Variants in PMFBP1 observed in about 807,000 individuals in gnomAD.
PMFBP1 encodes polyamine modulated factor 1 binding protein 1, also known as polyamine-modulated factor 1-binding protein 1.
PMFBP1 carries 131 observed loss-of-function variants against 137.8 expected under a neutral mutation model. That is an observed-to-expected ratio of 0.95 (90% CI 0.82 to 1.10). The LOEUF (loss-of-function observed/expected upper bound fraction) is 1.10. Among genes scored for constraint, PMFBP1 ranks in the 50% least tolerant of loss-of-function variants. The probability of loss-of-function intolerance (pLI) is 0.00; values close to 1 mark genes in which losing one functional copy is unlikely to be tolerated. For synonymous variants in PMFBP1, 490 were observed against 450.4 expected, an observed-to-expected ratio of 1.09 and a Z score of -1.11; for missense variants, 1,199 against 1,175.4, an observed-to-expected ratio of 1.02 and a Z score of -0.29.
the PMFBP1 span, among the ~76,000 whole-genome samples, chr16:72,242,666 T>C: frequency 6.6e-6 from 1 of 152,252 alleles, no homozygotes; most frequent in Non-Finnish European, 1.5e-5. Context: ...AACGTTCATT[T>C]TCATTAAAAG....
At chr16:72,120,511 C>A (rs2042362061) in intron 19 of PMFBP1, among the ~76,000 whole-genome samples, 1 of 152,218 alleles carries the variant, frequency 6.6e-6, no homozygotes, top group African/African-American at 2.4e-5. Context: ...CACTCTCACC[C>A]AGCACCAATG....
chr16:72,236,318 A>G, the PMFBP1 span, among the ~76,000 whole-genome samples: 1 of 152,180 alleles, frequency 6.6e-6, no homozygotes, highest in Non-Finnish European at 1.5e-5. Context: ...TGAACTTGTA[A>G]ACTTAAGTGA....
the PMFBP1 span, among the ~76,000 whole-genome samples, chr16:72,222,213 C>A: frequency 6.6e-6 from 1 of 151,980 alleles, no homozygotes; most frequent in Non-Finnish European, 1.5e-5. Context: ...TCTCAAGGGA[C>A]CTTCCTGCCT....
intron 4 of PMFBP1, 36 bp downstream of exon 4, chr16:72,154,175 G>A (rs2042947365): frequency 6.2e-7 from 1 of 1,603,738 alleles, no homozygotes. Flanking sequence ...AGGTACCTAA[G>A]AATGTGGGTT....
chr16:72,128,803 T>C lies in PMFBP1; in HGVS notation c.1951-9A>G. 6.2e-7 allele frequency: 1 copy of C among 1,614,152 alleles called. No individual in the cohort carries two copies. The highest frequency in any genetic ancestry group is 8.5e-7 in the Non-Finnish European group (1 of 1,180,010). ...CTGGAATTCTCTTTCAACTGTTCCC[T>C]CATTAAAGAACAAAGCACAGCAAAG... On this transcript the variant is annotated splice_polypyrimidine_tract_variant and intron_variant, in intron 13 of 20. Transcript: ENST00000237353.
intron 19 of PMFBP1, among the ~76,000 whole-genome samples, chr16:72,122,114 A>T (rs1006778535): frequency 4.6e-5 from 7 of 152,084 alleles, no homozygotes; most frequent in Non-Finnish European, 8.8e-5. Context: ...AGTTCTCATC[A>T]TTTAGCTCCC....
intron 17 of PMFBP1, 56 bp from the exon 18 acceptor site, chr16:72,123,705 C>A: frequency 1.3e-6 from 2 of 1,494,338 alleles, no homozygotes; most frequent in African/African-American, 1.4e-5. Context: ...GCCTGTCAGC[C>A]CTCCTTCCGA....
chr16:72,234,033 A>T, the PMFBP1 span, among the ~76,000 whole-genome samples: 2 of 152,128 alleles, frequency 1.3e-5, no homozygotes, highest in African/African-American at 4.8e-5. Flanking sequence ...TAATTTTGCT[A>T]TGAGGTTTCC....
chr16:72,137,737 C>T (rs900910203), intron 7 of PMFBP1, among the ~76,000 whole-genome samples: 3 of 152,138 alleles, frequency 2.0e-5, no homozygotes, highest in African/African-American at 7.2e-5. Context: ...GGATGCCTTC[C>T]TCACCAAGAG....
chr16:72,167,612 G>T (rs902775651), intron 2 of PMFBP1, among the ~76,000 whole-genome samples: 1 of 152,146 alleles, frequency 6.6e-6, no homozygotes, highest in Non-Finnish European at 1.5e-5. Flanking sequence ...TCCCTTTCCT[G>T]TGGTCACCAC....
chr16:72,178,875 C>T (rs2043267171), upstream of PMFBP1, among the ~76,000 whole-genome samples: 1 of 152,186 alleles, frequency 6.6e-6, no homozygotes, highest in Non-Finnish European at 1.5e-5. Flanking sequence ...ATAATACCTA[C>T]CTTACAGGGT....
the PMFBP1 span, among the ~76,000 whole-genome samples, chr16:72,210,731 C>T: frequency 1.3e-5 from 2 of 152,214 alleles, no homozygotes; most frequent in African/African-American, 2.4e-5. Context: ...AAAACAGGGG[C>T]AATTTCCCTC....
At position 72,119,867 on chromosome 16, in the gene PMFBP1, C is replaced by T; in HGVS notation, c.2991G>A (p.Gly997=). The change falls in exon 20 of 21, where the codon GGG becomes GGA. Residue 997 remains glycine, a synonymous_variant. Coordinates refer to ENST00000237353, the MANE Select transcript of PMFBP1 (RefSeq NM_031293.3). The part of the protein sequence containing the change: ...GQRMDLTKYI[G]MPHCPGSSYC The stretch of plus-strand genomic sequence containing the variant: ...CAGACGTACCCGGGCAGTGGGGCAT[C>T]CCGATGTACTTGGTGAGGTCCATTC... The T allele has an allele frequency of 6.2e-7, 1 of 1,614,142 alleles. No individual in the cohort carries two copies. Among genetic ancestry groups the T allele is most frequent in the Non-Finnish European group, 8.5e-7 (1 of 1,180,008 alleles).
At chr16:72,190,864 G>C in the PMFBP1 span, among the ~76,000 whole-genome samples, 1 of 152,338 alleles carries the variant, frequency 6.6e-6, no homozygotes, top group South Asian at 2.1e-4. Context: ...GGACATCTTA[G>C]ATCGTGAGGA....
chr16:72,242,733 G>A, the PMFBP1 span, among the ~76,000 whole-genome samples: 1 of 152,218 alleles, frequency 6.6e-6, no homozygotes, highest in African/African-American at 2.4e-5. Context: ...AATGCGTGAT[G>A]GATGAAAGGG....
the PMFBP1 span, among the ~76,000 whole-genome samples, chr16:72,213,271 C>A: frequency 6.6e-6 from 1 of 152,266 alleles, no homozygotes; most frequent in African/African-American, 2.4e-5. Flanking sequence ...CCCCGTAGTC[C>A]TTTCTTCTAT....
At chr16:72,170,153 G>A (rs186735014) in intron 2 of PMFBP1, among the ~76,000 whole-genome samples, 2 of 151,686 alleles carry the variant, frequency 1.3e-5, no homozygotes, top group Admixed American at 6.6e-5. Flanking sequence ...AACAATGAAC[G>A]CCTGGCATAT....
At chr16:72,190,115 T>C in the PMFBP1 span, among the ~76,000 whole-genome samples, 1 of 152,244 alleles carries the variant, frequency 6.6e-6, no homozygotes, top group South Asian at 2.1e-4. Context: ...TTTGGCTACA[T>C]GACTCCTAAG....
At chr16:72,162,879 A>C (rs1410966379) in intron 3 of PMFBP1, among the ~76,000 whole-genome samples, 1 of 152,254 alleles carries the variant, frequency 6.6e-6, no homozygotes. Flanking sequence ...AAAGAAGTAA[A>C]TTATGATAAT....
Sources: allele counts gnomAD v4.1 joint callset (sites outside exome capture counted in the v4.1 genomes callset), GRCh38; gene constraint gnomAD v4.1.1; transcripts MANE v1.5; gene names NCBI Gene and HGNC (gene_info 2026-07-23, HGNC 2026-07-21).